LSAMP: variants seen among roughly 807,000 people sequenced by gnomAD.
LSAMP encodes limbic system-associated membrane protein.
A neutral mutation model predicts 38.6 loss-of-function variants in LSAMP; 7 were observed. That is an observed-to-expected ratio of 0.18 (90% CI 0.10 to 0.34). LSAMP has a LOEUF of 0.34. LSAMP is among the 10% of genes least tolerant of loss of function. The pLI is 1.00. For missense variants in LSAMP, 313 were observed against 420.0 expected, an observed-to-expected ratio of 0.75 and a Z score of 2.23; for synonymous variants, 154 against 166.8, an observed-to-expected ratio of 0.92 and a Z score of 0.59.
At chr3:116,292,496 C>A (rs937187219) in intron 1 of LSAMP, among the ~76,000 whole-genome samples, 1 of 152,140 alleles carries the variant, frequency 6.6e-6, no homozygotes, top group Non-Finnish European at 1.5e-5. Context: ...CTGAACCCAG[C>A]CATTATTTAA....
At chr3:116,143,129 T>G (rs1181318164) in intron 1 of LSAMP, among the ~76,000 whole-genome samples, 1 of 151,554 alleles carries the variant, frequency 6.6e-6, no homozygotes, top group Admixed American at 6.6e-5. Flanking sequence ...TCGTATTCCC[T>G]CCAAGTGTTC....
chr3:116,337,116 T>G (rs1470667426), intron 1 of LSAMP, among the ~76,000 whole-genome samples: 1 of 151,922 alleles, frequency 6.6e-6, no homozygotes, highest in African/African-American at 2.4e-5. Context: ...GTACTTAGAA[T>G]AGTCAAAATC....
intron 1 of LSAMP, among the ~76,000 whole-genome samples, chr3:116,253,723 A>T (rs918985871): frequency 6.6e-5 from 10 of 152,222 alleles, no homozygotes; most frequent in Non-Finnish European, 1.3e-4. Context: ...GTTTTAAAGC[A>T]GGAAGAAAGT....
At chr3:116,390,132 T>TACACACACACAC (rs10661312) in intron 1 of LSAMP, among the ~76,000 whole-genome samples, 4 of 147,262 alleles carry the variant, frequency 2.7e-5, no homozygotes, top group Non-Finnish European at 4.5e-5. Flanking sequence ...TATGTATGTA[T>TACACACACACAC]ACACACACAC....
intron 3 of LSAMP, among the ~76,000 whole-genome samples, chr3:115,901,663 T>A (rs535730570): frequency 6.6e-6 from 1 of 152,318 alleles, no homozygotes; most frequent in Admixed American, 6.5e-5. Context: ...ATTGCCATAA[T>A]ATTTAACATC....
intron 1 of LSAMP, among the ~76,000 whole-genome samples, chr3:116,286,890 T>TCAAAAAA (rs547415596): frequency 1.4e-5 from 2 of 145,918 alleles, no homozygotes; most frequent in African/African-American, 5.1e-5. Flanking sequence ...ATCTCTCAAG[T>TCAAAAAA]TAAAAAAAAA....
chr3:116,037,039 GA>G (rs2107711790), intron 2 of LSAMP, among the ~76,000 whole-genome samples: 1 of 152,196 alleles, frequency 6.6e-6, no homozygotes, highest in African/African-American at 2.4e-5. Context: ...ATTATTTAAG[GA>G]AAATCTGTTA....
intron 2 of LSAMP, among the ~76,000 whole-genome samples, chr3:116,028,024 ACTTTT>A (rs1940833645): frequency 1.3e-5 from 2 of 152,126 alleles, no homozygotes; most frequent in Non-Finnish European, 2.9e-5. Flanking sequence ...CTAATTTTTA[ACTTTT>A]CTTTGGTACA....
chr3:116,433,528 G>A (rs550213574), intron 1 of LSAMP, among the ~76,000 whole-genome samples: 2 of 152,096 alleles, frequency 1.3e-5, no homozygotes, highest in Non-Finnish European at 2.9e-5. Context: ...ACATTCCAGC[G>A]TTAATTTTTC....
chr3:116,253,056 C>T (rs1355892489), intron 1 of LSAMP, among the ~76,000 whole-genome samples: 1 of 152,132 alleles, frequency 6.6e-6, no homozygotes, highest in Non-Finnish European at 1.5e-5. Flanking sequence ...ATGTTCTAGC[C>T]TTGGATTATT....
At chr3:116,012,712 A>G (rs1940366197) in intron 3 of LSAMP, among the ~76,000 whole-genome samples, 1 of 152,188 alleles carries the variant, frequency 6.6e-6, no homozygotes, top group Non-Finnish European at 1.5e-5. Flanking sequence ...AGACCTGAAT[A>G]AAGAAGAGCC....
chr3:115,985,569 A>G (rs1246595348), intron 3 of LSAMP, among the ~76,000 whole-genome samples: 1 of 152,184 alleles, frequency 6.6e-6, no homozygotes, highest in Non-Finnish European at 1.5e-5. Flanking sequence ...GGTATGAGTG[A>G]CCAATATCAT....
chr3:115,913,854 C>T (rs181765555), intron 3 of LSAMP, among the ~76,000 whole-genome samples: 8 of 151,970 alleles, frequency 5.3e-5, no homozygotes, highest in Admixed American at 2.0e-4. Flanking sequence ...GAGTAAGGGC[C>T]GAAATCCATC....
chr3:115,843,178 CT>C (rs1242893556), intron 4 of LSAMP, among the ~76,000 whole-genome samples: 9 of 152,166 alleles, frequency 5.9e-5, no homozygotes. Flanking sequence ...GTAAATTTAG[CT>C]TTTATGTGTG....
At chr3:116,096,762 G>T (rs903667716) in intron 1 of LSAMP, among the ~76,000 whole-genome samples, 10 of 152,194 alleles carry the variant, frequency 6.6e-5, no homozygotes, top group Admixed American at 6.5e-5. Flanking sequence ...CTGAATTGGA[G>T]TTCCACCTGA....
chr3:115,972,176 G>A (rs956302546), intron 3 of LSAMP, among the ~76,000 whole-genome samples: 4 of 151,900 alleles, frequency 2.6e-5, no homozygotes. Flanking sequence ...AAGAGTCAGA[G>A]AATTACTAAA....
At chr3:116,264,690 C>A (rs908992422) in intron 1 of LSAMP, among the ~76,000 whole-genome samples, 1 of 152,146 alleles carries the variant, frequency 6.6e-6, no homozygotes, top group African/African-American at 2.4e-5. Context: ...CAGCCTCAAG[C>A]TCCTGGGCTC....
rs183353348 is a variant in LSAMP, at chr3:115,872,794, C to T, written c.515-20177G>A. Among the ~76,000 whole-genome samples, 379 of 152,202 alleles carry T rather than the reference C, an allele frequency of 2.5e-3. 1 individual carries two copies. Among genetic ancestry groups the T allele is most frequent in the Admixed American group, 3.6e-3 (55 of 15,274 alleles). On this transcript the variant is annotated intron_variant, in intron 3 of 6. Transcript: ENST00000490035. Reference sequence around the variant, plus strand: ...GCTGAGGCTCATAGCTGTTAAGTATCTGGTCTAAGATCACACAGGTAGTGG... The same window carrying T: ...GCTGAGGCTCATAGCTGTTAAGTATTTGGTCTAAGATCACACAGGTAGTGG...
At chr3:116,019,700 A>C (rs1940585472) in intron 2 of LSAMP, 60 bp from the exon 3 acceptor site, 19 of 1,571,194 alleles carry the variant, frequency 1.2e-5, no homozygotes, top group Non-Finnish European at 1.7e-5. Context: ...GCTTGTAGCC[A>C]TACAACTGGA....
Sources: allele counts gnomAD v4.1 joint callset (sites outside exome capture counted in the v4.1 genomes callset), GRCh38; gene constraint gnomAD v4.1.1; transcripts MANE v1.5; gene names NCBI Gene and HGNC (gene_info 2026-07-23, HGNC 2026-07-21).